PIK3C2G: variants seen among roughly 807,000 people sequenced by gnomAD.
PIK3C2G encodes phosphatidylinositol-4-phosphate 3-kinase catalytic subunit type 2 gamma, also known as phosphatidylinositol 3-kinase C2 domain-containing subunit gamma.
In PIK3C2G, 168 loss-of-function variants were observed where a neutral mutation model predicts 181.1. The observed-to-expected ratio is 0.93, with a 90% CI of 0.82 to 1.05. The LOEUF (loss-of-function observed/expected upper bound fraction) is 1.05, where lower values mean the gene tolerates loss of function less well. Ranked by LOEUF, PIK3C2G falls within the 50% of genes least tolerant of loss-of-function variation. PIK3C2G has a pLI of 0.00. For synonymous variants in PIK3C2G, 573 were observed against 592.2 expected, an observed-to-expected ratio of 0.97 and a Z score of 0.47; for missense variants, 1,869 against 1,732.8, an observed-to-expected ratio of 1.08 and a Z score of -1.40.
intron 11 of PIK3C2G, chr12:18,358,622 CA>C (rs1262157718): frequency 2.3e-4 from 108 of 476,990 alleles, no homozygotes; most frequent in Middle Eastern, 5.0e-4. Context: ...AAAAGTTAAC[CA>C]AAAAAAATTC....
the PIK3C2G span, chr12:18,684,188 T>G: frequency 6.2e-7 from 1 of 1,612,338 alleles, no homozygotes; most frequent in East Asian, 2.2e-5. Flanking sequence ...TTCCTGCTAT[T>G]AAACCTTGAC....
intron 24 of PIK3C2G, among the ~76,000 whole-genome samples, chr12:18,508,336 T>C (rs1206377549): frequency 6.6e-6 from 1 of 152,210 alleles, no homozygotes; most frequent in Non-Finnish European, 1.5e-5. Flanking sequence ...TCTTTTGAAT[T>C]GTAGGAAGCA....
the PIK3C2G span, among the ~76,000 whole-genome samples, chr12:18,704,216 T>G: frequency 6.6e-6 from 1 of 152,174 alleles, no homozygotes; most frequent in East Asian, 1.9e-4. Flanking sequence ...AGAAAATCTT[T>G]GATGAATGTG....
chr12:18,304,048 C>T (rs1343547160), intron 5 of PIK3C2G, among the ~76,000 whole-genome samples: 1 of 151,734 alleles, frequency 6.6e-6, no homozygotes, highest in African/African-American at 2.4e-5. Flanking sequence ...TTTCATCACC[C>T]ACATTGATTA....
chr12:18,705,087 A>G, the PIK3C2G span: 5 of 1,535,378 alleles, frequency 3.3e-6, no homozygotes, highest in Admixed American at 5.0e-5. Flanking sequence ...TCTCTAGCCC[A>G]GTTTCACAGG....
chr12:18,683,721 C>T, the PIK3C2G span: 95 of 966,430 alleles, frequency 9.8e-5, no homozygotes, highest in Admixed American at 7.3e-4. Flanking sequence ...TAAAGGTAGT[C>T]AGCCCTGAAA....
intron 7 of PIK3C2G, among the ~76,000 whole-genome samples, chr12:18,321,754 G>A (rs561965692): frequency 4.3e-4 from 65 of 152,320 alleles, no homozygotes; most frequent in African/African-American, 1.4e-3. Flanking sequence ...TATACACCAT[G>A]CAGCCATATA....
chr12:18,248,822 A>G (rs1185970506), intron 1 of PIK3C2G, among the ~76,000 whole-genome samples: 1 of 152,182 alleles, frequency 6.6e-6, no homozygotes, highest in African/African-American at 2.4e-5. Flanking sequence ...TTGGCAACAC[A>G]TAAAACACAT....
rs115379042 is a variant in PIK3C2G, at chr12:18,548,862, A to G, written c.3590+2430A>G. Reference sequence around the variant, plus strand: ...TGTCTCTCACTTCCTAGGACCTTATAATCTGATTGTCTTTGTCAAGATTTA... The same window carrying G: ...TGTCTCTCACTTCCTAGGACCTTATGATCTGATTGTCTTTGTCAAGATTTA... On this transcript the variant is annotated intron_variant, in intron 26 of 32. Coordinates refer to ENST00000538779, the MANE Select transcript of PIK3C2G (RefSeq NM_001288772.2). 7.8e-3 allele frequency among the ~76,000 whole-genome samples: 1,184 copies of G among 151,944 alleles called. 14 individuals are homozygous for G. Among genetic ancestry groups the G allele is most frequent in the African/African-American group, 0.027 (1,124 of 41,474 alleles).
intron 24 of PIK3C2G, among the ~76,000 whole-genome samples, chr12:18,513,938 T>C (rs1486401868): frequency 2.0e-5 from 3 of 151,832 alleles, no homozygotes; most frequent in Admixed American, 1.3e-4. Flanking sequence ...AGGCGTTATG[T>C]TACATTGCTT....
chr12:18,439,213 T>G (rs1300442447), intron 18 of PIK3C2G, among the ~76,000 whole-genome samples: 2 of 152,136 alleles, frequency 1.3e-5, no homozygotes, highest in East Asian at 3.9e-4. Flanking sequence ...TGAAACATGC[T>G]AAGTGTCAGA....
chr12:18,674,474 T>C, the PIK3C2G span, among the ~76,000 whole-genome samples: 1 of 152,330 alleles, frequency 6.6e-6, no homozygotes, highest in Non-Finnish European at 1.5e-5. Context: ...TCTCACTCTA[T>C]GAATTTTTTG....
chr12:18,688,175 T>C, the PIK3C2G span: 1 of 1,610,896 alleles, frequency 6.2e-7, no homozygotes, highest in Non-Finnish European at 8.5e-7. Flanking sequence ...ATCACCTTTG[T>C]TAGATGATGA....
chr12:18,399,900 A>G, intron 16 of PIK3C2G, 53 bp downstream of exon 16: 1 of 1,122,674 alleles, frequency 8.9e-7, no homozygotes, highest in East Asian at 2.4e-5. Flanking sequence ...ACTTGCTTGA[A>G]GAGAACTATA....
At chr12:18,467,127 G>T (rs1937970827) in intron 18 of PIK3C2G, among the ~76,000 whole-genome samples, 2 of 151,946 alleles carry the variant, frequency 1.3e-5, no homozygotes, top group Non-Finnish European at 2.9e-5. Flanking sequence ...TCAATGATAG[G>T]AAGCCATGCA....
At chr12:18,723,798 C>G in the PIK3C2G span, among the ~76,000 whole-genome samples, 1 of 152,038 alleles carries the variant, frequency 6.6e-6, no homozygotes, top group African/African-American at 2.4e-5. Context: ...TCCAGGTTGT[C>G]TTTCAATTTC....
At chr12:18,361,900 G>GTATATA (rs1941265453) in intron 11 of PIK3C2G, among the ~76,000 whole-genome samples, 1 of 152,054 alleles carries the variant, frequency 6.6e-6, no homozygotes, top group African/African-American at 2.4e-5. Context: ...CCCTGACCAG[G>GTATATA]GAGTGGCTGA....
chr12:18,670,307 C>A, the PIK3C2G span, among the ~76,000 whole-genome samples: 1 of 152,102 alleles, frequency 6.6e-6, no homozygotes, highest in African/African-American at 2.4e-5. Context: ...CACACACACA[C>A]ACACAACATC....
At chr12:18,402,647 A>AT (rs967393547) in intron 16 of PIK3C2G, among the ~76,000 whole-genome samples, 2 of 152,122 alleles carry the variant, frequency 1.3e-5, no homozygotes, top group Non-Finnish European at 2.9e-5. Context: ...TTCATGGAAT[A>AT]TTTTTTAGAA....
Sources: allele counts gnomAD v4.1 joint callset (sites outside exome capture counted in the v4.1 genomes callset), GRCh38; gene constraint gnomAD v4.1.1; transcripts MANE v1.5; gene names NCBI Gene and HGNC (gene_info 2026-07-23, HGNC 2026-07-21).